Variants in FCRL6 observed in about 807,000 individuals in gnomAD.
FCRL6 encodes Fc receptor-like protein 6.
A neutral mutation model predicts 49.1 loss-of-function variants in FCRL6; 50 were observed. The observed-to-expected ratio is 1.02, with a 90% CI of 0.81 to 1.29. The LOEUF is 1.29. Ranked by LOEUF, FCRL6 falls within the 50% of genes most tolerant of loss-of-function variation. FCRL6 has a pLI of 0.00. For synonymous variants in FCRL6, 213 were observed against 199.6 expected (o/e 1.07, Z -0.57); for missense variants, 571 against 518.5 (o/e 1.10, Z -0.98).
chr1:159,806,700 G>A, intron 2 of FCRL6, 84 bp downstream of exon 2: 2 of 1,392,626 alleles, frequency 1.4e-6, no homozygotes, highest in Non-Finnish European at 2.0e-6. Flanking sequence ...GTGCCATGGG[G>A]TCCCCCAGAA....
chr1:159,811,736 T>C (rs1035124112), intron 6 of FCRL6, among the ~76,000 whole-genome samples: 1 of 152,202 alleles, frequency 6.6e-6, no homozygotes, highest in African/African-American at 2.4e-5. Context: ...AGGTATTCTT[T>C]CATAGTGGGG....
In FCRL6 at chr1:159,809,052, C is replaced by A; in HGVS notation, c.411C>A (p.His137Gln). 1 of 1,614,080 alleles carries A rather than the reference C, an allele frequency of 6.2e-7. No homozygotes were observed. ...LVTLRCQTKLHPLRSALRLLF... is the reference protein window; with the variant it reads ...LVTLRCQTKLQPLRSALRLLF... ...CCCTGAGATGTCAGACAAAGCTGCA[C>A]CCCCTGAGGTCAGCCTTGAGGCTCC... The change falls in exon 4 of 10, where the codon CAC becomes CAA. Residue 137 changes from histidine to glutamine, a missense_variant. By Grantham distance (24) the His-to-Gln change is conservative (BLOSUM62 0). Transcript: ENST00000368106.
intron 1 of FCRL6, among the ~76,000 whole-genome samples, chr1:159,802,862 A>G (rs1662427849): frequency 1.3e-5 from 2 of 152,190 alleles, no homozygotes; most frequent in Admixed American, 6.5e-5. Flanking sequence ...AGTCAGGGAA[A>G]TGAGGGGAAA....
chr1:159,805,198 T>C (rs1662599450), intron 1 of FCRL6, among the ~76,000 whole-genome samples: 1 of 152,144 alleles, frequency 6.6e-6, no homozygotes, highest in African/African-American at 2.4e-5. Flanking sequence ...TTCTGCACAC[T>C]CTTGAGAGCA....
chr1:159,807,390 C>T (rs181194896), intron 2 of FCRL6, among the ~76,000 whole-genome samples: 7 of 149,798 alleles, frequency 4.7e-5, no homozygotes. Flanking sequence ...AGAGATGATA[C>T]AGGCTGGGGA....
chr1:159,805,298 A>G (rs979731789), intron 1 of FCRL6, among the ~76,000 whole-genome samples: 9 of 152,194 alleles, frequency 5.9e-5, no homozygotes, highest in Non-Finnish European at 1.2e-4. Context: ...AGATGATACC[A>G]TGTGACAGAG....
intron 2 of FCRL6, among the ~76,000 whole-genome samples, chr1:159,807,375 A>G (rs1440204117): frequency 6.6e-6 from 1 of 152,208 alleles, no homozygotes; most frequent in Admixed American, 6.5e-5. Context: ...TGTCTGGCTT[A>G]TCAAAGAGAT....
chr1:159,809,592 G>A lies in FCRL6; in HGVS notation c.795G>A (p.Val265=), dbSNP rs1305647892. 2 of 1,614,068 alleles carry A rather than the reference G, an allele frequency of 1.2e-6. No individual in the cohort carries two copies. The highest frequency in any genetic ancestry group is 2.2e-5 in the East Asian group (1 of 44,886). ...GAACCACCTCCCTCCTCTTCCCAGT[G>A]AAGTCAGAACAGGATGCTGGGAACT... ...CGGTTSLLFP[V]KSEQDAGNYS... The change falls in exon 5 of 10, where the codon GTG becomes GTA. Residue 265 remains valine, a synonymous_variant. Transcript: ENST00000368106.
chr1:159,812,714 G>A (rs1663160599), intron 6 of FCRL6, among the ~76,000 whole-genome samples: 1 of 152,210 alleles, frequency 6.6e-6, no homozygotes, highest in African/African-American at 2.4e-5. Context: ...TACAGAAGGA[G>A]CCATTTCCAC....
chr1:159,805,363 A>ATTT (rs10616063), intron 1 of FCRL6, among the ~76,000 whole-genome samples: 7 of 149,414 alleles, frequency 4.7e-5, no homozygotes, highest in African/African-American at 1.7e-4. Flanking sequence ...CCATTCTTGC[A>ATTT]TTTTTTTTTT....
intron 6 of FCRL6, among the ~76,000 whole-genome samples, chr1:159,810,951 T>G (rs1337764518): frequency 2.0e-5 from 3 of 152,200 alleles, no homozygotes; most frequent in African/African-American, 7.2e-5. Context: ...TAAATTCTCA[T>G]TCTAATCTGA....
At chr1:159,806,205 C>A (rs947352675) in intron 1 of FCRL6, among the ~76,000 whole-genome samples, 2 of 152,184 alleles carry the variant, frequency 1.3e-5, no homozygotes, top group African/African-American at 4.8e-5. Flanking sequence ...TACAATGGGG[C>A]ATTGTTTTAG....
At chr1:159,805,934 C>T (rs1413782539) in intron 1 of FCRL6, among the ~76,000 whole-genome samples, 1 of 152,172 alleles carries the variant, frequency 6.6e-6, no homozygotes. Flanking sequence ...AGAGTCTAGT[C>T]CTATGTTTTC....
chr1:159,808,879 T>C lies in FCRL6; in HGVS notation c.320-82T>C, dbSNP rs1464895872. On this transcript the variant is annotated intron_variant, in intron 3 of 9. Coordinates refer to ENST00000368106, the MANE Select transcript of FCRL6 (RefSeq NM_001004310.3). ...GGGGTCCCCGGGCTGCAGCCTGAGA[T>C]GAGTAGAAGCTCAGGCCTCAGCCTC... is the stretch of plus-strand genomic sequence containing the variant. 9.8e-6 allele frequency: 14 copies of C among 1,429,958 alleles called. 1 individual carries two copies. The Middle Eastern group carries it at 7.3e-4, about 75-fold the overall frequency. 88.6% of individuals were successfully genotyped at this position (1,429,958 alleles called of 1,614,324 possible).
intron 3 of FCRL6, 81 bp from the exon 4 acceptor site, chr1:159,808,880 G>A (rs2101746504): frequency 7.0e-7 from 1 of 1,421,800 alleles, no homozygotes; most frequent in African/African-American, 1.4e-5. Context: ...AGCCTGAGAT[G>A]AGTAGAAGCT....
chr1:159,807,145 A>C (rs1662744822), intron 2 of FCRL6, among the ~76,000 whole-genome samples: 1 of 152,256 alleles, frequency 6.6e-6, no homozygotes, highest in Non-Finnish European at 1.5e-5. Flanking sequence ...AGGGGGAGAT[A>C]ATTCAAACCA....
In FCRL6 at chr1:159,813,544, A is replaced by G; in HGVS notation, c.1065A>G (p.Leu355=). The change falls in exon 7 of 10, where the codon CTA becomes CTG. Residue 355 remains leucine, a synonymous_variant. Transcript: ENST00000368106. ...PTAPGGEQCP[L]YANVHHQKGK... ...CTCCAGGTGGAGAGCAGTGCCCACT[A>G]TATGCCAACGGTAAGGACTTCCAGC... The G allele has an allele frequency of 6.2e-7, 1 of 1,614,002 alleles. No individual in the cohort carries two copies.
chr1:159,802,726 A>G (rs189081769), intron 1 of FCRL6, among the ~76,000 whole-genome samples: 1 of 152,296 alleles, frequency 6.6e-6, no homozygotes, highest in Non-Finnish European at 1.5e-5. Flanking sequence ...ATCACATTAC[A>G]AAGTCCCCTA....
chr1:159,811,351 A>G (rs532760619), intron 6 of FCRL6, among the ~76,000 whole-genome samples: 1 of 152,258 alleles, frequency 6.6e-6, no homozygotes, highest in East Asian at 1.9e-4. Flanking sequence ...GGGCAATGTT[A>G]TTTTCTGCTT....
Sources: allele counts gnomAD v4.1 joint callset (sites outside exome capture counted in the v4.1 genomes callset), GRCh38; gene constraint gnomAD v4.1.1; transcripts MANE v1.5; gene names NCBI Gene and HGNC (gene_info 2026-07-23, HGNC 2026-07-21).